Variants in CCDC85C observed in about 807,000 individuals in gnomAD.
CCDC85C encodes the protein coiled-coil domain-containing protein 85C.
In CCDC85C, 18 loss-of-function variants were observed where a neutral mutation model predicts 38.3. The observed-to-expected ratio is 0.47, with a 90% confidence interval of 0.33 to 0.70. The LOEUF (loss-of-function observed/expected upper bound fraction) is 0.70. Among genes scored for constraint, CCDC85C ranks in the 30% least tolerant of loss-of-function variants. The pLI, the probability that CCDC85C is intolerant of heterozygous loss-of-function variation, is 0.03. For missense variants in CCDC85C, 566 were observed against 621.2 expected (o/e 0.91, Z 0.94); for synonymous variants, 264 against 293.8 (o/e 0.90, Z 1.04).
intron 1 of CCDC85C, among the ~76,000 whole-genome samples, chr14:99,584,081 G>C (rs923979260): frequency 6.6e-6 from 1 of 152,014 alleles, no homozygotes; most frequent in Non-Finnish European, 1.5e-5. Context: ...TTTAGAAAAG[G>C]GGGGCTCACT....
In CCDC85C at chr14:99,603,029, C is replaced by T. The variant is rs61734097; in HGVS notation, c.793+138G>A. ...TGGGTGAGTGCGGGATCCCCTGGCCCAGGATCCATGACAGCTGGAGGAGTC... is the reference window on the plus strand; with the variant it reads ...TGGGTGAGTGCGGGATCCCCTGGCCTAGGATCCATGACAGCTGGAGGAGTC... On this transcript the variant is annotated intron_variant, in intron 1 of 5. Transcript: ENST00000380243. This position sits in a 1 kb window ranked among gnomAD's most constrained non-coding sequence, Gnocchi z 7.5. 5.2e-4 allele frequency: 594 copies of T among 1,140,648 alleles called. 4 individuals are homozygous for T. The African/African-American group carries it at 8.8e-3, about 17-fold the overall frequency. 70.7% of individuals were successfully genotyped at this position (1,140,648 alleles called of 1,614,324 possible).
intron 2 of CCDC85C, among the ~76,000 whole-genome samples, chr14:99,528,822 C>T (rs1897438586): frequency 6.6e-6 from 1 of 151,756 alleles, no homozygotes; most frequent in Non-Finnish European, 1.5e-5. Context: ...GGGAACAACA[C>T]ACACTGGGGC....
At position 99,510,142 on chromosome 14, in the gene CCDC85C, G is replaced by A. The variant is rs761584037; in HGVS notation, c.*5104C>T. 55 of 1,588,918 alleles carry A rather than the reference G, an allele frequency of 3.5e-5. 1 individual carries two copies. Among genetic ancestry groups the A allele is most frequent in the East Asian group, 9.0e-5 (4 of 44,268 alleles). On this transcript the variant is annotated 3_prime_UTR_variant, in exon 6 of 6. Coordinates refer to ENST00000380243, the MANE Select transcript of CCDC85C (RefSeq NM_001144995.2). ...GCTGGCGGAGGCCGGGCACTGATGC[G>A]TCTCTCTCCTGCAGACCGGAAGCCT...
intron 1 of CCDC85C, among the ~76,000 whole-genome samples, chr14:99,560,559 G>A (rs941413415): frequency 1.3e-5 from 2 of 152,168 alleles, no homozygotes; most frequent in Admixed American, 6.5e-5. Flanking sequence ...CCCCCAGACC[G>A]CCAGCATCAC....
Position 99,503,047 on chromosome 14 carries a change from A to G in CCDC85C, c.*12199T>C. The G allele has an allele frequency of 1.3e-6, 2 of 1,553,370 alleles. No homozygotes were observed. The highest frequency in any genetic ancestry group is 2.2e-5 in the East Asian group (1 of 44,558). On this transcript the variant is annotated 3_prime_UTR_variant, in exon 6 of 6. Coordinates refer to ENST00000380243, the MANE Select transcript of CCDC85C (RefSeq NM_001144995.2). ...TTCCAGGTGGCGGCAACACCTGAGC[A>G]CTGTTCCCATTTCTAAGCGAGCACA...
chr14:99,568,557 A>G (rs1898269581), intron 1 of CCDC85C, among the ~76,000 whole-genome samples: 1 of 152,014 alleles, frequency 6.6e-6, no homozygotes, highest in Admixed American at 6.6e-5. Context: ...CTGCATGACG[A>G]CCTGAGGACC....
intron 1 of CCDC85C, among the ~76,000 whole-genome samples, chr14:99,585,350 G>C (rs1377322182): frequency 6.6e-6 from 1 of 152,238 alleles, no homozygotes; most frequent in Non-Finnish European, 1.5e-5. Context: ...AGAGCACAGA[G>C]AGGTGGTGTG....
In CCDC85C at chr14:99,507,130, C is replaced by T. The variant is rs1896995534; in HGVS notation, c.*8116G>A. ...GAGACCACTCATCCACCGTTGCCTC[C>T]AGCCCACCCACCTCCAGGTAAGCAT... On this transcript the variant is annotated 3_prime_UTR_variant, in exon 6 of 6. Coordinates refer to ENST00000380243, the MANE Select transcript of CCDC85C (RefSeq NM_001144995.2). 4 of 1,607,412 alleles carry T rather than the reference C, an allele frequency of 2.5e-6. No individual in the cohort carries two copies. The highest frequency in any genetic ancestry group is 3.3e-4 in the Middle Eastern group (2 of 6,074).
chr14:99,582,015 G>A (rs572995632), intron 1 of CCDC85C, among the ~76,000 whole-genome samples: 7 of 152,188 alleles, frequency 4.6e-5, no homozygotes, highest in Non-Finnish European at 1.0e-4. Flanking sequence ...GGCTCAGGAA[G>A]CTGAGGCATA....
At position 99,515,130 on chromosome 14, in the gene CCDC85C, G is replaced by A. The variant is rs1344680925; in HGVS notation, c.*116C>T. ...CAGGGCGGGCAGCGTCCTATGTACA[G>A]TTCACCACAGAGGAAGAAGACAGGG... On this transcript the variant is annotated 3_prime_UTR_variant, in exon 6 of 6. Coordinates refer to ENST00000380243, the MANE Select transcript of CCDC85C (RefSeq NM_001144995.2). The A allele has an allele frequency of 2.7e-6, 2 of 753,404 alleles. No homozygotes were observed. Among genetic ancestry groups the A allele is most frequent in the East Asian group, 2.7e-5 (1 of 36,960 alleles). 46.7% of individuals were successfully genotyped at this position (753,404 alleles called of 1,614,324 possible).
Position 99,502,234 on chromosome 14 carries a change from G to A in CCDC85C, c.*13012C>T, listed in dbSNP as rs1368710353. On this transcript the variant is annotated 3_prime_UTR_variant, in exon 6 of 6. Coordinates refer to ENST00000380243, the MANE Select transcript of CCDC85C (RefSeq NM_001144995.2). ...TCTGCACCACCTTGTCACTGCAGTG[G>A]GAACCAGAGATCATAGCAGTAGCAG... The A allele has an allele frequency of 6.2e-7, 1 of 1,600,426 alleles. No individual in the cohort carries two copies. Among genetic ancestry groups the A allele is most frequent in the Non-Finnish European group, 8.5e-7 (1 of 1,173,106 alleles).
chr14:99,529,935 A>G (rs1420330464), intron 2 of CCDC85C, among the ~76,000 whole-genome samples: 2 of 152,226 alleles, frequency 1.3e-5, no homozygotes, highest in African/African-American at 4.8e-5. Context: ...CATCCTCTGA[A>G]CAATGTATGT....
intron 2 of CCDC85C, among the ~76,000 whole-genome samples, chr14:99,524,715 T>G (rs961511691): frequency 6.6e-6 from 1 of 152,186 alleles, no homozygotes; most frequent in Non-Finnish European, 1.5e-5. Context: ...CAGAATGAGA[T>G]TCCCTAGGAT....
chr14:99,512,428 GAAAAA>G lies in CCDC85C; in HGVS notation c.*2813_*2817del, dbSNP rs376791507. On this transcript the variant is annotated 3_prime_UTR_variant, in exon 6 of 6. Transcript: ENST00000380243. ...TCTGCAGTCATGCATTTAGTTTTAA[GAAAAA>G]AAAAAAATCAGTAGTATGTATCTTG... 2 of 134,504 alleles carry G rather than the reference GAAAAA, an allele frequency of 1.5e-5. No individual in the cohort carries two copies. Among genetic ancestry groups the G allele is most frequent in the African/African-American group, 2.7e-5 (1 of 37,292 alleles). The allele number at this position is 134,504 out of a possible 1,614,324, so 8.3% of individuals were successfully genotyped here.
chr14:99,602,381 A>G (rs2055208560), intron 1 of CCDC85C, among the ~76,000 whole-genome samples: 1 of 152,232 alleles, frequency 6.6e-6, no homozygotes, highest in African/African-American at 2.4e-5. Flanking sequence ...ACGGATGACC[A>G]CGGCACTTCC....
chr14:99,574,784 A>G (rs1232972157), intron 1 of CCDC85C, among the ~76,000 whole-genome samples: 1 of 152,218 alleles, frequency 6.6e-6, no homozygotes, highest in Non-Finnish European at 1.5e-5. Flanking sequence ...ACCCAGGCAC[A>G]TTACTGAACC....
At chr14:99,595,360 C>T (rs1188837271) in intron 1 of CCDC85C, among the ~76,000 whole-genome samples, 1 of 152,126 alleles carries the variant, frequency 6.6e-6, no homozygotes, top group Non-Finnish European at 1.5e-5. Context: ...TCAAGAGATT[C>T]TCCTGCCTAC....
In CCDC85C at chr14:99,507,537, G is replaced by T; in HGVS notation, c.*7709C>A. The T allele has an allele frequency of 5.3e-6, 1 of 187,002 alleles. No homozygotes were observed. The highest frequency in any genetic ancestry group is 1.1e-5 in the Non-Finnish European group (1 of 88,762). The allele number at this position is 187,002 out of a possible 1,614,324, so 11.6% of individuals were successfully genotyped here. A position where few individuals can be genotyped will look rare whatever the true frequency, so the allele number is the denominator to read the frequency against. ...GCTATGATTGCACCACCGTACTCCA[G>T]CCTGGGTGAGAGGGAGACCGTGTCT... On this transcript the variant is annotated 3_prime_UTR_variant, in exon 6 of 6. Coordinates refer to ENST00000380243, the MANE Select transcript of CCDC85C (RefSeq NM_001144995.2).
At chr14:99,597,500 G>A (rs1436977621) in intron 1 of CCDC85C, among the ~76,000 whole-genome samples, 6 of 152,172 alleles carry the variant, frequency 3.9e-5, no homozygotes, top group African/African-American at 1.4e-4. Context: ...CCCCTTCTCA[G>A]TGTCCACGCA....
Sources: allele counts gnomAD v4.1 joint callset (sites outside exome capture counted in the v4.1 genomes callset), GRCh38; gene constraint gnomAD v4.1.1; non-coding constraint Gnocchi (gnomAD v3.1); transcripts MANE v1.5; gene names NCBI Gene and HGNC (gene_info 2026-07-23, HGNC 2026-07-21).